Variants in BORCS5 observed in about 807,000 individuals in gnomAD.
The protein encoded by BORCS5 is BLOC-1 related complex subunit 5.
Under a neutral mutation model 22.1 loss-of-function variants are expected in BORCS5, and 17 were observed. The ratio of observed to expected loss-of-function variants is 0.77; its 90% CI spans 0.53 to 1.15. The LOEUF is 1.15. BORCS5 is among the 50% of genes most tolerant of loss of function. The pLI is 0.00. For synonymous variants in BORCS5, 117 were observed against 99.8 expected (o/e 1.17, Z -1.03); for missense variants, 247 against 253.2 (o/e 0.98, Z 0.17).
chr12:12,396,533 G>A (rs562147086), intron 2 of BORCS5, among the ~76,000 whole-genome samples: 54 of 152,238 alleles, frequency 3.5e-4, no homozygotes, highest in Non-Finnish European at 6.5e-4. Context: ...CCCTAGGTCC[G>A]CTGAATGCAG....
intron 2 of BORCS5, among the ~76,000 whole-genome samples, chr12:12,398,812 T>C (rs1295309617): frequency 1.3e-5 from 2 of 152,238 alleles, no homozygotes; most frequent in African/African-American, 2.4e-5. Flanking sequence ...TTTTACCTTT[T>C]CCTACAAGGC....
At chr12:12,361,146 G>C in intron 1 of BORCS5, 60 bp from the exon 2 acceptor site, 1 of 1,540,272 alleles carries the variant, frequency 6.5e-7, no homozygotes, top group Non-Finnish European at 8.9e-7. Flanking sequence ...ACCAAAAACT[G>C]CTTTGGTGAG....
intron 3 of BORCS5, among the ~76,000 whole-genome samples, chr12:12,450,612 A>G (rs1248498225): frequency 6.6e-6 from 1 of 152,236 alleles, no homozygotes; most frequent in Non-Finnish European, 1.5e-5. Context: ...TCAAAAAGGC[A>G]TTAAACACAC....
At chr12:12,453,325 G>C (rs561010024) in intron 3 of BORCS5, among the ~76,000 whole-genome samples, 3 of 152,234 alleles carry the variant, frequency 2.0e-5, no homozygotes, top group South Asian at 2.1e-4. Flanking sequence ...CTTCCTTTTG[G>C]GGTTAGTCGA....
chr12:12,444,751 A>G (rs574026792), intron 3 of BORCS5, among the ~76,000 whole-genome samples: 18 of 152,278 alleles, frequency 1.2e-4, no homozygotes, highest in Admixed American at 6.5e-5. Context: ...AACAGATCTA[A>G]CAATAAGTTA....
chr12:12,396,100 G>A (rs1212238331), intron 2 of BORCS5, among the ~76,000 whole-genome samples: 2 of 152,036 alleles, frequency 1.3e-5, no homozygotes, highest in Non-Finnish European at 1.5e-5. Flanking sequence ...CGATTCTCCT[G>A]CCTCAGCCTC....
At position 12,357,267 on chromosome 12, in the gene BORCS5, C is replaced by G. The variant is rs1418982683; in HGVS notation, c.-185C>G. 3.4e-6 allele frequency: 5 copies of G among 1,459,418 alleles called. No homozygotes were observed. The highest frequency in any genetic ancestry group is 2.8e-5 in the African/African-American group (2 of 70,518). 90.4% of individuals were successfully genotyped at this position (1,459,418 alleles called of 1,614,324 possible). A position where few individuals can be genotyped will look rare whatever the true frequency, so the allele number is the denominator to read the frequency against. ...CGTTTCTGTTCCCCAAATAGGGCCTCTCCTTCTCCCGCCGCCCAGGCCCCT... is the reference window on the plus strand; with the variant it reads ...CGTTTCTGTTCCCCAAATAGGGCCTGTCCTTCTCCCGCCGCCCAGGCCCCT... On this transcript the variant is annotated 5_prime_UTR_variant, in exon 1 of 4. Coordinates refer to ENST00000314565, the MANE Select transcript of BORCS5 (RefSeq NM_058169.6).
chr12:12,361,958 C>T (rs916154173), intron 2 of BORCS5, among the ~76,000 whole-genome samples: 1 of 152,144 alleles, frequency 6.6e-6, no homozygotes, highest in Non-Finnish European at 1.5e-5. Flanking sequence ...ATTTTTGTAT[C>T]TCTATTAAGT....
At chr12:12,359,560 C>T (rs563168746) in intron 1 of BORCS5, among the ~76,000 whole-genome samples, 1 of 151,900 alleles carries the variant, frequency 6.6e-6, no homozygotes, top group African/African-American at 2.4e-5. Context: ...TAGGGTTTCA[C>T]CATGTTGGCC....
At chr12:12,448,781 A>C (rs1308294970) in intron 3 of BORCS5, among the ~76,000 whole-genome samples, 1 of 142,820 alleles carries the variant, frequency 7.0e-6, no homozygotes, top group Non-Finnish European at 1.5e-5. Context: ...CCCGCCTCAG[A>C]CTCCCAAAGT....
At chr12:12,395,300 C>T (rs891340123) in intron 2 of BORCS5, among the ~76,000 whole-genome samples, 2 of 151,736 alleles carry the variant, frequency 1.3e-5, no homozygotes, top group African/African-American at 4.9e-5. Flanking sequence ...GAAAGAGTCT[C>T]TCTCTGTCAC....
intron 3 of BORCS5, among the ~76,000 whole-genome samples, chr12:12,436,103 G>A (rs1401117136): frequency 6.6e-6 from 1 of 152,178 alleles, no homozygotes; most frequent in Non-Finnish European, 1.5e-5. Flanking sequence ...GCTATTATTA[G>A]TGCATGTAAA....
chr12:12,416,980 G>A (rs1383934156), intron 2 of BORCS5, among the ~76,000 whole-genome samples: 1 of 150,690 alleles, frequency 6.6e-6, no homozygotes, highest in Admixed American at 6.6e-5. Context: ...TAGTAGAGGT[G>A]GTGTTTCACC....
At chr12:12,412,376 A>G (rs1484302117) in intron 2 of BORCS5, among the ~76,000 whole-genome samples, 2 of 151,612 alleles carry the variant, frequency 1.3e-5, no homozygotes, top group Non-Finnish European at 1.5e-5. Flanking sequence ...ATTCTTTTTG[A>G]TGCTATTGGA....
chr12:12,364,384 A>AAAAT (rs112740016), intron 2 of BORCS5, among the ~76,000 whole-genome samples: 1 of 151,468 alleles, frequency 6.6e-6, no homozygotes, highest in Non-Finnish European at 1.5e-5. Context: ...TCAAAGAAAA[A>AAAAT]TATAAGGAAG....
chr12:12,437,685 G>T (rs1942583440), intron 3 of BORCS5, among the ~76,000 whole-genome samples: 1 of 152,118 alleles, frequency 6.6e-6, no homozygotes, highest in Non-Finnish European at 1.5e-5. Context: ...CTTATCTTAG[G>T]TAACATTTAT....
chr12:12,380,710 C>T (rs984257698), intron 2 of BORCS5, among the ~76,000 whole-genome samples: 5 of 151,228 alleles, frequency 3.3e-5, no homozygotes, highest in African/African-American at 1.2e-4. Flanking sequence ...TCAAAATTAC[C>T]ATTTTACATT....
chr12:12,357,720 CAGTG>C (rs1863177189), intron 1 of BORCS5, among the ~76,000 whole-genome samples: 4 of 152,206 alleles, frequency 2.6e-5, no homozygotes, highest in Non-Finnish European at 5.9e-5. Context: ...GCGTGGGCGC[CAGTG>C]CCCTTATTTA....
intron 1 of BORCS5, among the ~76,000 whole-genome samples, chr12:12,358,595 TTTTAA>T (rs1863202884): frequency 6.6e-6 from 1 of 152,228 alleles, no homozygotes; most frequent in Non-Finnish European, 1.5e-5. Flanking sequence ...TGTGGCATCT[TTTTAA>T]TTTGTTTTCT....
Sources: gnomAD v4.1 joint callset for allele counts (sites outside exome capture counted in the v4.1 genomes callset) on GRCh38, gnomAD v4.1.1 for gene constraint, MANE v1.5 for transcripts, NCBI Gene and HGNC (gene_info 2026-07-23, HGNC 2026-07-21) for gene names.